Variants in GRM4 observed in about 807,000 individuals in gnomAD.
The protein encoded by GRM4 is metabotropic glutamate receptor 4.
In GRM4, 28 loss-of-function variants were observed where a neutral mutation model predicts 81.7. The observed-to-expected ratio is 0.34, with a 90% CI of 0.25 to 0.47. GRM4 has a LOEUF of 0.47. GRM4 is among the 20% of genes least tolerant of loss of function. The pLI is 1.00. For missense variants in GRM4, 948 were observed against 1,290.0 expected (o/e 0.73, Z 4.06); for synonymous variants, 488 against 528.8 (o/e 0.92, Z 1.06).
chr6:34,027,194 G>A (rs1764173433), intron 10 of GRM4, among the ~76,000 whole-genome samples: 2 of 152,312 alleles, frequency 1.3e-5, no homozygotes, highest in Non-Finnish European at 1.5e-5. Flanking sequence ...GGCAGGAAAA[G>A]GGGGACACAC....
chr6:34,143,782 G>A (rs1770802687), intron 1 of GRM4, among the ~76,000 whole-genome samples: 1 of 152,172 alleles, frequency 6.6e-6, no homozygotes, highest in Non-Finnish European at 1.5e-5. Flanking sequence ...GCTGCAGAAT[G>A]GCAGGGTGTG....
At chr6:34,058,164 G>A (rs1200426003) in intron 5 of GRM4, among the ~76,000 whole-genome samples, 1 of 152,146 alleles carries the variant, frequency 6.6e-6, no homozygotes, top group Admixed American at 6.5e-5. Context: ...CACTGGGCCT[G>A]TAGGCAGACG....
Position 34,115,667 on chromosome 6 carries a change from G to C in GRM4, c.519+17311C>G, listed in dbSNP as rs1769567346. Among the ~76,000 whole-genome samples, 1 of 152,196 alleles carries C rather than the reference G, an allele frequency of 6.6e-6. No individual in the cohort carries two copies. The highest frequency in any genetic ancestry group is 2.1e-4 in the South Asian group (1 of 4,834). On this transcript the variant is annotated intron_variant, in intron 2 of 10. Coordinates refer to ENST00000538487, the MANE Select transcript of GRM4 (RefSeq NM_000841.4). The surrounding 1 kb of genome is among the most constrained non-coding windows in gnomAD (Gnocchi z 4.1). The stretch of plus-strand genomic sequence containing the variant: ...CCAAAGGGGCCCTGGGACAAGCCTT[G>C]CTGGGTTTTGGGCCCAACTCCAATC...
chr6:34,025,908 T>C (rs1764109105), intron 10 of GRM4, among the ~76,000 whole-genome samples: 1 of 152,134 alleles, frequency 6.6e-6, no homozygotes, highest in East Asian at 1.9e-4. Context: ...CTGGAATTAT[T>C]CCAGCACTGG....
At chr6:34,046,174 A>G (rs1765354485) in intron 6 of GRM4, among the ~76,000 whole-genome samples, 1 of 152,100 alleles carries the variant, frequency 6.6e-6, no homozygotes. Context: ...CAGCTCCCTC[A>G]CGCCAGGGTA....
Position 34,036,833 on chromosome 6 carries a change from C to T in GRM4, c.1507-230G>A, listed in dbSNP as rs903065457. Among the ~76,000 whole-genome samples the T allele has an allele frequency of 2.6e-5, 4 of 152,166 alleles. No homozygotes were observed. Among genetic ancestry groups the T allele is most frequent in the Admixed American group, 6.5e-5 (1 of 15,278 alleles). ...GACCTACAGGGAATCCTGACTGAAC[C>T]CGAAACTCTCAAGACTCATATGAAG... is the stretch of plus-strand genomic sequence containing the variant. On this transcript the variant is annotated intron_variant, in intron 8 of 10. Coordinates refer to ENST00000538487, the MANE Select transcript of GRM4 (RefSeq NM_000841.4). The surrounding 1 kb of genome is among the most constrained non-coding windows in gnomAD (Gnocchi z 9.0).
intron 5 of GRM4, among the ~76,000 whole-genome samples, chr6:34,058,230 T>C (rs1391294262): frequency 6.6e-6 from 1 of 152,058 alleles, no homozygotes; most frequent in Non-Finnish European, 1.5e-5. Context: ...TGGACAGGTA[T>C]GGGCCAGGGC....
rs974687873 is a variant in GRM4, at chr6:34,133,622, C to T, written c.-126G>A. 146 of 1,447,698 alleles carry T rather than the reference C, an allele frequency of 1.0e-4. No individual in the cohort carries two copies. The highest frequency in any genetic ancestry group is 8.9e-5 in the Non-Finnish European group (99 of 1,107,466). The allele number at this position is 1,447,698 out of a possible 1,614,324, so 89.7% of individuals were successfully genotyped here. On this transcript the variant is annotated 5_prime_UTR_variant, in exon 2 of 11. Transcript: ENST00000538487. This position sits in a 1 kb window ranked among gnomAD's most constrained non-coding sequence, Gnocchi z 6.5. Reference sequence around the variant, plus strand: ...AGCAGGGGGACTGAGGGCAGCCAACCGCGTAGCCCATGCTGCTACCCTCTC... The same window carrying T: ...AGCAGGGGGACTGAGGGCAGCCAACTGCGTAGCCCATGCTGCTACCCTCTC...
rs962942601 is a variant in GRM4 at position 34,078,403 on chromosome 6, G to C, written c.736+13480C>G. Among the ~76,000 whole-genome samples, 2 of 152,116 alleles carry C rather than the reference G, an allele frequency of 1.3e-5. No homozygotes were observed. The highest frequency in any genetic ancestry group is 4.8e-5 in the African/African-American group (2 of 41,416). Reference sequence around the variant, plus strand: ...CTCCTTCCAGTCCACCCAGGTCCTAGGTATGATGACCATTTTACAGATAAG... The same window carrying C: ...CTCCTTCCAGTCCACCCAGGTCCTACGTATGATGACCATTTTACAGATAAG... On this transcript the variant is annotated intron_variant, in intron 3 of 10. Transcript: ENST00000538487. The surrounding 1 kb of genome is among the most constrained non-coding windows in gnomAD (Gnocchi z 4.8).
intron 2 of GRM4, among the ~76,000 whole-genome samples, chr6:34,132,765 C>G (rs1347830570): frequency 6.6e-6 from 1 of 152,246 alleles, no homozygotes; most frequent in Non-Finnish European, 1.5e-5. Flanking sequence ...TGCCTTTCAT[C>G]TGCTGTGCCT....
intron 1 of GRM4, among the ~76,000 whole-genome samples, chr6:34,139,897 G>A (rs545755557): frequency 5.6e-4 from 85 of 152,330 alleles, no homozygotes; most frequent in Non-Finnish European, 7.3e-4. Flanking sequence ...AGCACCCACT[G>A]TGCACCAGCC....
chr6:34,123,258 G>A (rs1231492330), intron 2 of GRM4, among the ~76,000 whole-genome samples: 1 of 152,200 alleles, frequency 6.6e-6, no homozygotes, highest in Non-Finnish European at 1.5e-5. Context: ...TGAAGGGCCA[G>A]AGGACCCCAG....
chr6:34,114,710 CT>C lies in GRM4; in HGVS notation c.519+18267del. Among the ~76,000 whole-genome samples, 1 of 152,258 alleles carries C rather than the reference CT, an allele frequency of 6.6e-6. No homozygotes were observed. The highest frequency in any genetic ancestry group is 1.9e-4 in the East Asian group (1 of 5,174). ...CTGACAAAGGCTGCCCCATGCACGCCTTGTCAGAACTGCCCTCGCCCTCCTC... is the reference window on the plus strand; with the variant it reads ...CTGACAAAGGCTGCCCCATGCACGCCTGTCAGAACTGCCCTCGCCCTCCTC... On this transcript the variant is annotated intron_variant, in intron 2 of 10. Coordinates refer to ENST00000538487, the MANE Select transcript of GRM4 (RefSeq NM_000841.4). This position sits in a 1 kb window ranked among gnomAD's most constrained non-coding sequence, Gnocchi z 4.3.
Position 34,059,275 on chromosome 6 carries a change from C to T in GRM4, c.873-147G>A, listed in dbSNP as rs1046419141. 3.3e-4 allele frequency: 232 copies of T among 705,018 alleles called. 2 individuals are homozygous for T. The highest frequency in any genetic ancestry group is 6.5e-5 in the Non-Finnish European group (27 of 414,248). The allele number at this position is 705,018 out of a possible 1,614,324, so 43.7% of individuals were successfully genotyped here. On this transcript the variant is annotated intron_variant, in intron 4 of 10. Coordinates refer to ENST00000538487, the MANE Select transcript of GRM4 (RefSeq NM_000841.4). The surrounding 1 kb of genome is among the most constrained non-coding windows in gnomAD (Gnocchi z 5.7). ...CCAGCACCGATGCTTTCACCCCAAGCCATGGATTCCCCCTACCCGCTGCCC... is the reference window on the plus strand; with the variant it reads ...CCAGCACCGATGCTTTCACCCCAAGTCATGGATTCCCCCTACCCGCTGCCC...
chr6:34,031,193 G>A (rs75086809), intron 9 of GRM4, among the ~76,000 whole-genome samples: 8,307 of 152,222 alleles, frequency 0.055, 301 homozygotes, highest in South Asian at 0.083. Flanking sequence ...GGCGGCCTTC[G>A]GGCTATGATC....
At position 34,036,240 on chromosome 6, in the gene GRM4, C is replaced by T; in HGVS notation, c.1870G>A (p.Glu624Lys). 6.2e-7 allele frequency: 1 copy of T among 1,614,198 alleles called. No homozygotes were observed. Among genetic ancestry groups the T allele is most frequent in the Non-Finnish European group, 8.5e-7 (1 of 1,180,024 alleles). Residue 624 changes from glutamate (E) to lysine (K), a missense_variant, in exon 9 of 11, where the codon GAA (glutamate) becomes AAA (lysine). Transcript: ENST00000538487. This position sits in a 1 kb window ranked among gnomAD's most constrained non-coding sequence, Gnocchi z 9.0. Reference sequence around the variant, plus strand: ...CCTGCCAGCAGCACGTAGCTCAGTTCACGGCCCGAGGCCTTGACGATGGGC... The same window carrying T: ...CCTGCCAGCAGCACGTAGCTCAGTTTACGGCCCGAGGCCTTGACGATGGGC... Reference protein sequence around the residue: ...DTPIVKASGRELSYVLLAGIF... With the variant: ...DTPIVKASGRKLSYVLLAGIF...
intron 8 of GRM4, among the ~76,000 whole-genome samples, chr6:34,038,121 G>A (rs773509751): frequency 6.6e-6 from 1 of 152,198 alleles, no homozygotes; most frequent in African/African-American, 2.4e-5. Context: ...AGAGGACACG[G>A]GGCGATGGTG....
chr6:34,127,819 G>A (rs767899427), intron 2 of GRM4, among the ~76,000 whole-genome samples: 9 of 152,174 alleles, frequency 5.9e-5, no homozygotes, highest in Non-Finnish European at 1.2e-4. Flanking sequence ...GCAGTAGGGT[G>A]GGTGGGCTCT....
chr6:34,128,374 C>T (rs868721496), intron 2 of GRM4, among the ~76,000 whole-genome samples: 7 of 139,090 alleles, frequency 5.0e-5, no homozygotes, highest in East Asian at 2.2e-4. Context: ...TTTTTTTTTT[C>T]TTTTCTTTTT....
Sources: gnomAD v4.1 joint callset for allele counts (sites outside exome capture counted in the v4.1 genomes callset) on GRCh38, gnomAD v4.1.1 for gene constraint, Gnocchi (gnomAD v3.1) non-coding constraint, MANE v1.5 for transcripts, NCBI Gene and HGNC (gene_info 2026-07-23, HGNC 2026-07-21) for gene names.